Variants in ABLIM3 observed in about 807,000 individuals in gnomAD.
The protein encoded by ABLIM3 is actin-binding LIM protein 3.
In ABLIM3, 61 loss-of-function variants were observed where a neutral mutation model predicts 109.5. The ratio of observed to expected loss-of-function variants is 0.56; its 90% CI spans 0.45 to 0.69. The LOEUF (loss-of-function observed/expected upper bound fraction) is 0.69. Ranked by LOEUF, ABLIM3 falls within the 30% of genes least tolerant of loss-of-function variation. ABLIM3 has a pLI of 0.00. For missense variants in ABLIM3, 796 were observed against 889.5 expected (o/e 0.89, Z 1.34); for synonymous variants, 300 against 324.8 (o/e 0.92, Z 0.82).
At chr5:149,200,575 G>T in intron 5 of ABLIM3, 147 bp downstream of exon 5, 1 of 723,858 alleles carries the variant, frequency 1.4e-6, no homozygotes, top group Non-Finnish European at 2.3e-6. Flanking sequence ...GACCCCATTG[G>T]CATGTGGCCC....
At chr5:149,167,040 C>T (rs907946956) in intron 2 of ABLIM3, among the ~76,000 whole-genome samples, 1 of 152,182 alleles carries the variant, frequency 6.6e-6, no homozygotes, top group Non-Finnish European at 1.5e-5. Context: ...TGAGATGGAG[C>T]ATTTACAAGC....
chr5:149,246,991 C>T (rs1406463217), intron 17 of ABLIM3, among the ~76,000 whole-genome samples: 1 of 152,350 alleles, frequency 6.6e-6, no homozygotes, highest in South Asian at 2.1e-4. Context: ...TAAACAAATA[C>T]ATATATACTC....
intron 11 of ABLIM3, 127 bp from the exon 12 acceptor site, chr5:149,239,120 GA>G: frequency 1.2e-6 from 1 of 866,516 alleles, no homozygotes; most frequent in Non-Finnish European, 1.9e-6. Context: ...GTTATCTGGA[GA>G]GGGGTACAAA....
intron 5 of ABLIM3, among the ~76,000 whole-genome samples, chr5:149,205,294 G>C (rs925419494): frequency 2.0e-5 from 3 of 152,120 alleles, no homozygotes; most frequent in African/African-American, 7.2e-5. Flanking sequence ...TCCTCAGGAG[G>C]GGTTAAACTG....
intron 3 of ABLIM3, among the ~76,000 whole-genome samples, chr5:149,188,866 C>G (rs1294856751): frequency 6.6e-6 from 1 of 152,136 alleles, no homozygotes; most frequent in Admixed American, 6.5e-5. Context: ...ATGGTCTGAT[C>G]CTAAAATTCA....
intron 6 of ABLIM3, 126 bp downstream of exon 6, chr5:149,207,260 C>G: frequency 2.9e-6 from 4 of 1,375,812 alleles, no homozygotes; most frequent in Non-Finnish European, 3.9e-6. Flanking sequence ...GCATTCTGGC[C>G]AAACAGCATC....
intron 2 of ABLIM3, among the ~76,000 whole-genome samples, chr5:149,160,997 T>C (rs1754313204): frequency 6.6e-6 from 1 of 152,198 alleles, no homozygotes; most frequent in Non-Finnish European, 1.5e-5. Context: ...TTCTTAGCCC[T>C]AATCCCCTCC....
At chr5:149,250,583 G>A in intron 20 of ABLIM3, 78 bp downstream of exon 20, 3 of 1,547,814 alleles carry the variant, frequency 1.9e-6, no homozygotes, top group Middle Eastern at 1.7e-4. Context: ...TTATTGTAAG[G>A]TGAAACCTGA....
At position 149,210,731 on chromosome 5, in the gene ABLIM3, G is replaced by C. The variant is rs755473031; in HGVS notation, c.581G>C (p.Gly194Ala). 6.2e-7 allele frequency: 1 copy of C among 1,613,900 alleles called. No homozygotes were observed. The highest frequency in any genetic ancestry group is 2.2e-5 in the East Asian group (1 of 44,860). Residue 194 changes from glycine to alanine, a missense_variant, in exon 7 of 24, where the codon GGT becomes GCT. Physicochemically the swap from Gly to Ala is moderately conservative, Grantham distance 60. Coordinates refer to ENST00000309868, the MANE Select transcript of ABLIM3 (RefSeq NM_014945.5). ...ILTGEYISKD[G>A]VPYCESDYHA... is the part of the protein sequence containing the mutation. ...ATGTGAACTTCTTCTTGCAGGGATG[G>C]TGTTCCATACTGTGAGTCCGACTAC...
chr5:149,240,034 C>A (rs1752650361), intron 13 of ABLIM3, 146 bp downstream of exon 13: 1 of 1,185,878 alleles, frequency 8.4e-7, no homozygotes. Flanking sequence ...CCCAGGTGAC[C>A]AGCTGGGCCT....
At chr5:149,163,198 C>A (rs901133265) in intron 2 of ABLIM3, among the ~76,000 whole-genome samples, 1 of 152,076 alleles carries the variant, frequency 6.6e-6, no homozygotes, top group African/African-American at 2.4e-5. Context: ...TTGAATGTAT[C>A]CCCCTGGCTA....
chr5:149,177,207 A>C (rs1183835808), intron 2 of ABLIM3: 1 of 152,226 alleles, frequency 6.6e-6, no homozygotes, highest in African/African-American at 2.4e-5. Flanking sequence ...CGTGTATACG[A>C]ATAGCCTCCC....
At chr5:149,169,452 G>A (rs1431222991) in intron 2 of ABLIM3, among the ~76,000 whole-genome samples, 1 of 151,960 alleles carries the variant, frequency 6.6e-6, no homozygotes, top group Admixed American at 6.6e-5. Flanking sequence ...CCACACCAGG[G>A]GACCTCCCTG....
chr5:149,233,236 G>A lies in ABLIM3; in HGVS notation c.824G>A (p.Arg275Gln), dbSNP rs74601944. 1.2e-4 allele frequency: 189 copies of A among 1,614,084 alleles called. No homozygotes were observed. The East Asian group carries it at 3.6e-3, about 30-fold the overall frequency. The change falls in exon 10 of 24, where the codon CGG (arginine) becomes CAG (glutamine). Residue 275 changes from arginine to glutamine, a missense_variant. Arg to Gln is a conservative substitution (Grantham distance 43). Coordinates refer to ENST00000309868, the MANE Select transcript of ABLIM3 (RefSeq NM_014945.5). ...TCTTCATCTCTCTCACAGCATAGAC[G>A]GACATCTGAAACCTCCATCTCACCC... ...ARAEKKLKHR[R>Q]TSETSISPPG...
At chr5:149,141,937 G>C in intron 1 of ABLIM3, 72 bp from the exon 2 acceptor site, 1 of 1,051,630 alleles carries the variant, frequency 9.5e-7, no homozygotes, top group Non-Finnish European at 1.5e-6. Flanking sequence ...CCCAGACAGA[G>C]AGGGGACAGC....
In ABLIM3 at chr5:149,238,543, A is replaced by G. The variant is rs561078103; in HGVS notation, c.1045-705A>G. ...TTAGAGATGGCAAACCAGGGCCCAC[A>G]GGTTGCAGCCAGCCCTCAGATTTGT... On this transcript the variant is annotated intron_variant, in intron 11 of 23. Transcript: ENST00000309868. Among the ~76,000 whole-genome samples, 28 of 152,358 alleles carry G rather than the reference A, an allele frequency of 1.8e-4. No homozygotes were observed. In the South Asian group the frequency reaches 5.8e-3, roughly 32 times the overall value.
chr5:149,226,879 T>C (rs1761338701), intron 8 of ABLIM3, among the ~76,000 whole-genome samples: 1 of 152,096 alleles, frequency 6.6e-6, no homozygotes, highest in Non-Finnish European at 1.5e-5. Context: ...GAGACCAGCC[T>C]GGCCAACACA....
chr5:149,227,462 T>G (rs1455634697), intron 8 of ABLIM3, among the ~76,000 whole-genome samples: 1 of 152,224 alleles, frequency 6.6e-6, no homozygotes. Flanking sequence ...AAGCTAGAGC[T>G]CTGCCTTATA....
At chr5:149,229,699 T>C (rs1761653730) in intron 8 of ABLIM3, among the ~76,000 whole-genome samples, 1 of 152,240 alleles carries the variant, frequency 6.6e-6, no homozygotes, top group African/African-American at 2.4e-5. Context: ...TAGGGCTGGT[T>C]ACAAGGGGAA....
Sources: gnomAD v4.1 joint callset for allele counts (sites outside exome capture counted in the v4.1 genomes callset) on GRCh38, gnomAD v4.1.1 for gene constraint, MANE v1.5 for transcripts, NCBI Gene and HGNC (gene_info 2026-07-23, HGNC 2026-07-21) for gene names.